The following DAB1 variants were observed in gnomAD, a reference collection of about 807,000 sequenced individuals.
DAB1 encodes the protein DAB adaptor protein 1, also known as disabled homolog 1.
DAB1 carries 15 observed loss-of-function variants against 64.6 expected under a neutral mutation model. The ratio of observed to expected loss-of-function variants is 0.23; its 90% CI spans 0.16 to 0.36. The LOEUF (loss-of-function observed/expected upper bound fraction) is 0.36. Among genes scored for constraint, DAB1 ranks in the 10% least tolerant of loss-of-function variants. The pLI is 1.00. For synonymous variants in DAB1, 235 were observed against 251.9 expected (o/e 0.93, Z 0.64); for missense variants, 596 against 706.7 (o/e 0.84, Z 1.78).
At chr1:58,266,084 A>T (rs545713308) in intron 4 of DAB1, among the ~76,000 whole-genome samples, 2 of 152,140 alleles carry the variant, frequency 1.3e-5, no homozygotes, top group Non-Finnish European at 2.9e-5. Flanking sequence ...TACAATTCAC[A>T]GGGAGAATTA....
chr1:58,292,597 G>A (rs1159552567), intron 4 of DAB1, among the ~76,000 whole-genome samples: 1 of 152,146 alleles, frequency 6.6e-6, no homozygotes, highest in East Asian at 1.9e-4. Context: ...AAGTGAGTGT[G>A]TTAGTGCTGG....
At chr1:58,409,305 T>C (rs955434006) in intron 3 of DAB1, among the ~76,000 whole-genome samples, 3 of 152,180 alleles carry the variant, frequency 2.0e-5, no homozygotes, top group African/African-American at 7.2e-5. Context: ...TTGAACCTCA[T>C]ACAGGTGAAG....
At chr1:57,818,564 T>G (rs852759) in intron 6 of DAB1, among the ~76,000 whole-genome samples, 47,352 of 151,932 alleles carry the variant, frequency 0.31, 8,714 homozygotes, top group Admixed American at 0.46. Flanking sequence ...TTAGTATGTG[T>G]TACCCATTTG....
At chr1:58,078,223 C>T (rs1270559268) in intron 5 of DAB1, among the ~76,000 whole-genome samples, 1 of 152,176 alleles carries the variant, frequency 6.6e-6, no homozygotes, top group East Asian at 1.9e-4. Context: ...TATCTTAACT[C>T]CTTAAAGAAC....
At chr1:57,963,070 G>A (rs1274643242) in intron 5 of DAB1, among the ~76,000 whole-genome samples, 1 of 151,874 alleles carries the variant, frequency 6.6e-6, no homozygotes, top group Non-Finnish European at 1.5e-5. Flanking sequence ...TCAAAATTAA[G>A]CTCACATATG....
At chr1:58,257,902 G>A (rs1424222487) in intron 4 of DAB1, among the ~76,000 whole-genome samples, 1 of 152,188 alleles carries the variant, frequency 6.6e-6, no homozygotes, top group East Asian at 1.9e-4. Flanking sequence ...CAGGACCTGG[G>A]CCCCTTACAC....
intron 2 of DAB1, among the ~76,000 whole-genome samples, chr1:57,259,441 C>A (rs980679870): frequency 1.3e-5 from 2 of 152,160 alleles, no homozygotes; most frequent in African/African-American, 2.4e-5. Flanking sequence ...TGAAAAGTAG[C>A]TGAACTAAGT....
chr1:58,304,370 C>T (rs1455938398), intron 4 of DAB1, among the ~76,000 whole-genome samples: 2 of 152,152 alleles, frequency 1.3e-5, no homozygotes, highest in Non-Finnish European at 2.9e-5. Context: ...TTCAGCCATT[C>T]CTCCTGTGAC....
At chr1:57,315,867 A>G (rs1345081303) in intron 1 of DAB1, among the ~76,000 whole-genome samples, 1 of 152,196 alleles carries the variant, frequency 6.6e-6, no homozygotes, top group Non-Finnish European at 1.5e-5. Context: ...ATGTTGGAAG[A>G]CTATAAACTC....
chr1:57,308,896 G>A (rs1674423694), intron 1 of DAB1, among the ~76,000 whole-genome samples: 1 of 152,022 alleles, frequency 6.6e-6, no homozygotes, highest in African/African-American at 2.4e-5. Context: ...CTAGTCTAGG[G>A]CTTTAAAGAT....
chr1:58,398,254 C>T (rs1644539441), intron 3 of DAB1, among the ~76,000 whole-genome samples: 1 of 152,208 alleles, frequency 6.6e-6, no homozygotes, highest in African/African-American at 2.4e-5. Flanking sequence ...CTCCTCATTG[C>T]TCCTCAAAAC....
intron 5 of DAB1, among the ~76,000 whole-genome samples, chr1:58,082,516 A>C (rs1341336048): frequency 6.6e-6 from 1 of 152,088 alleles, no homozygotes; most frequent in Non-Finnish European, 1.5e-5. Flanking sequence ...TGTAGCATAA[A>C]GGTAGCTAAG....
chr1:58,429,082 A>G (rs1256691577), intron 3 of DAB1, among the ~76,000 whole-genome samples: 2 of 152,232 alleles, frequency 1.3e-5, no homozygotes, highest in Non-Finnish European at 2.9e-5. Context: ...AAATTAGACT[A>G]TATGTAAAAG....
intron 4 of DAB1, among the ~76,000 whole-genome samples, chr1:57,086,134 C>T (rs1044868245): frequency 1.3e-5 from 2 of 152,134 alleles, no homozygotes; most frequent in Admixed American, 6.5e-5. Context: ...GTTTAAAAAA[C>T]TGGAGTGGTT....
At chr1:57,567,876 A>G (rs1645142755) in intron 7 of DAB1, among the ~76,000 whole-genome samples, 1 of 152,224 alleles carries the variant, frequency 6.6e-6, no homozygotes, top group South Asian at 2.1e-4. Flanking sequence ...ATTTAATGCC[A>G]TCCCCATCAA....
At chr1:58,154,515 T>C (rs1047226390) in intron 4 of DAB1, among the ~76,000 whole-genome samples, 1 of 152,108 alleles carries the variant, frequency 6.6e-6, no homozygotes, top group African/African-American at 2.4e-5. Context: ...CAGAAAGGAA[T>C]GTGGTGTGGT....
At chr1:58,341,817 G>A (rs139710902) in intron 4 of DAB1, among the ~76,000 whole-genome samples, 158 of 152,200 alleles carry the variant, frequency 1.0e-3, no homozygotes, top group African/African-American at 3.4e-3. Context: ...AAGGTGATGC[G>A]GGCAGATAGT....
At chr1:57,105,604 C>T (rs900354433) in intron 4 of DAB1, among the ~76,000 whole-genome samples, 5 of 152,126 alleles carry the variant, frequency 3.3e-5, no homozygotes, top group African/African-American at 1.2e-4. Context: ...CATTTTAATA[C>T]CCCACTTTTT....
chr1:58,351,387 C>T (rs1644055842), intron 3 of DAB1, among the ~76,000 whole-genome samples: 1 of 152,116 alleles, frequency 6.6e-6, no homozygotes. Flanking sequence ...ATCTCATGTC[C>T]TTCTCACTCC....
Sources: allele counts gnomAD v4.1 joint callset (sites outside exome capture counted in the v4.1 genomes callset), GRCh38; gene constraint gnomAD v4.1.1; transcripts MANE v1.5; gene names NCBI Gene and HGNC (gene_info 2026-07-23, HGNC 2026-07-21).